SH3BGRL2: variants seen among roughly 807,000 people sequenced by gnomAD.
SH3BGRL2 encodes SH3 domain-binding glutamic acid-rich-like protein 2.
Under a neutral mutation model 14.8 loss-of-function variants are expected in SH3BGRL2, and 21 were observed. That is an observed-to-expected ratio of 1.42 (90% CI 1.01 to 2.05). The LOEUF (loss-of-function observed/expected upper bound fraction) is 2.05, where lower values mean the gene tolerates loss of function less well. Among genes scored for constraint, SH3BGRL2 ranks in the 30% most tolerant of loss-of-function variants. The probability of loss-of-function intolerance (pLI) is 0.00; values close to 1 mark genes in which losing one functional copy is unlikely to be tolerated. For missense variants in SH3BGRL2, 147 were observed against 130.8 expected, an observed-to-expected ratio of 1.12 and a Z score of -0.61; for synonymous variants, 50 against 47.8, an observed-to-expected ratio of 1.05 and a Z score of -0.19.
the SH3BGRL2 span, among the ~76,000 whole-genome samples, chr6:79,583,562 A>C: frequency 1.3e-5 from 2 of 152,184 alleles, no homozygotes; most frequent in Non-Finnish European, 2.9e-5. Flanking sequence ...GTTCTCACTC[A>C]TAGGTGGGAA....
At chr6:79,696,403 A>G in intron 2 of SH3BGRL2, 82 bp from the exon 3 acceptor site, 1 of 1,042,232 alleles carries the variant, frequency 9.6e-7, no homozygotes, top group Non-Finnish European at 1.4e-6. Context: ...TTTTACTTCC[A>G]TAAAGAATTT....
chr6:79,685,360 A>G (rs932498181), intron 2 of SH3BGRL2, among the ~76,000 whole-genome samples: 3 of 152,172 alleles, frequency 2.0e-5, no homozygotes, highest in African/African-American at 7.2e-5. Context: ...CAATCAGGCC[A>G]TGTTAATATC....
At chr6:79,626,506 C>A (rs1768729192), upstream of SH3BGRL2, among the ~76,000 whole-genome samples, 2 of 152,122 alleles carry the variant, frequency 1.3e-5, no homozygotes, top group Admixed American at 1.3e-4. Context: ...CTGTCTCTAC[C>A]CCTCTACTGG....
At chr6:79,662,334 G>A (rs879608077) in intron 1 of SH3BGRL2, among the ~76,000 whole-genome samples, 7 of 152,216 alleles carry the variant, frequency 4.6e-5, no homozygotes, top group East Asian at 3.9e-4. Flanking sequence ...CTTGTAAGGC[G>A]GACCTGGTGG....
chr6:79,576,675 T>C, the SH3BGRL2 span, among the ~76,000 whole-genome samples: 2 of 152,182 alleles, frequency 1.3e-5, no homozygotes, highest in African/African-American at 2.4e-5. Flanking sequence ...ATGTATTCAT[T>C]TAAAATGCAC....
At position 79,699,498 on chromosome 6, in the gene SH3BGRL2, G is replaced by C. The variant is rs1383701662; in HGVS notation, c.313G>C (p.Ala105Pro). 2 of 1,003,974 alleles carry C rather than the reference G, an allele frequency of 2.0e-6. No individual in the cohort carries two copies. The highest frequency in any genetic ancestry group is 2.8e-6 in the Non-Finnish European group (2 of 714,502). The allele number at this position is 1,003,974 out of a possible 1,614,324, so 62.2% of individuals were successfully genotyped here. Reference sequence around the variant, plus strand: ...TTTTTTTTTTTTTTTTTTTTTATAGGCAGAACCTTAGAGAAGAAGAGTGGA... The same window carrying C: ...TTTTTTTTTTTTTTTTTTTTTATAGCCAGAACCTTAGAGAAGAAGAGTGGA... ...LGLKPRLASK[A>P]EP The change falls in exon 4 of 4, where the codon GCA becomes CCA. Residue 105 changes from alanine (A) to proline (P), a missense_variant and splice_region_variant. Physicochemically the swap from Ala to Pro is conservative, Grantham distance 27. Transcript: ENST00000369838.
chr6:79,552,553 A>T, the SH3BGRL2 span, among the ~76,000 whole-genome samples: 1 of 152,142 alleles, frequency 6.6e-6, no homozygotes, highest in Admixed American at 6.5e-5. Flanking sequence ...ACCACAAAAG[A>T]GGGAGGGTAT....
chr6:79,621,384 T>C, the SH3BGRL2 span, among the ~76,000 whole-genome samples: 357 of 152,326 alleles, frequency 2.3e-3, 4 homozygotes, highest in Non-Finnish European at 4.4e-3. Context: ...AAAAGAGACC[T>C]GGAGAGCTAT....
chr6:79,644,119 G>A (rs932564157), intron 1 of SH3BGRL2, among the ~76,000 whole-genome samples: 3 of 152,128 alleles, frequency 2.0e-5, no homozygotes, highest in African/African-American at 4.8e-5. Flanking sequence ...GGAGGTGTGC[G>A]CCCTCATCCT....
intron 2 of SH3BGRL2, among the ~76,000 whole-genome samples, chr6:79,695,782 C>A (rs2127739680): frequency 6.6e-6 from 1 of 152,126 alleles, no homozygotes; most frequent in East Asian, 1.9e-4. Flanking sequence ...ATAAAGTTAT[C>A]AAATTACCAA....
chr6:79,606,658 G>C, the SH3BGRL2 span, among the ~76,000 whole-genome samples: 10 of 152,298 alleles, frequency 6.6e-5, no homozygotes, highest in African/African-American at 2.2e-4. Flanking sequence ...ACTTGATACA[G>C]TAATTTTTGT....
chr6:79,597,800 T>C, the SH3BGRL2 span, among the ~76,000 whole-genome samples: 1 of 152,202 alleles, frequency 6.6e-6, no homozygotes, highest in Admixed American at 6.5e-5. Context: ...TTTCAAAGAA[T>C]ACCATCAAGA....
At chr6:79,550,225 G>A in the SH3BGRL2 span, among the ~76,000 whole-genome samples, 1 of 152,054 alleles carries the variant, frequency 6.6e-6, no homozygotes, top group Non-Finnish European at 1.5e-5. Flanking sequence ...GATGAAAGGA[G>A]GAGAATTAAA....
the SH3BGRL2 span, among the ~76,000 whole-genome samples, chr6:79,582,693 C>T: frequency 6.6e-6 from 1 of 152,124 alleles, no homozygotes; most frequent in Non-Finnish European, 1.5e-5. Context: ...TAGAAGAAAA[C>T]CTAGGCAATA....
chr6:79,612,730 T>G, the SH3BGRL2 span, among the ~76,000 whole-genome samples: 1 of 152,196 alleles, frequency 6.6e-6, no homozygotes, highest in South Asian at 2.1e-4. Context: ...TCACATCAAC[T>G]GAAAGCAGAA....
intron 1 of SH3BGRL2, among the ~76,000 whole-genome samples, chr6:79,652,893 T>A (rs1769324137): frequency 6.6e-6 from 1 of 152,194 alleles, no homozygotes; most frequent in Non-Finnish European, 1.5e-5. Context: ...CCTTTTCAAG[T>A]ATTAACACTT....
At chr6:79,542,906 C>T in the SH3BGRL2 span, among the ~76,000 whole-genome samples, 1 of 152,168 alleles carries the variant, frequency 6.6e-6, no homozygotes, top group South Asian at 2.1e-4. Flanking sequence ...AAATCCTCCA[C>T]AAAACTTCTT....
At chr6:79,640,409 A>T (rs1769007765) in intron 1 of SH3BGRL2, among the ~76,000 whole-genome samples, 1 of 152,220 alleles carries the variant, frequency 6.6e-6, no homozygotes, top group Non-Finnish European at 1.5e-5. Flanking sequence ...CTTCTGGTTC[A>T]TGACAGCTTT....
At chr6:79,538,018 G>GTTTTTTTTTTTT in the SH3BGRL2 span, among the ~76,000 whole-genome samples, 84 of 44,160 alleles carry the variant, frequency 1.9e-3, 17 homozygotes, top group African/African-American at 2.4e-3. Flanking sequence ...TTGCACACAA[G>GTTTTTTTTTTTT]TTTTTTTTTT....
Sources: allele counts gnomAD v4.1 joint callset (sites outside exome capture counted in the v4.1 genomes callset), GRCh38; gene constraint gnomAD v4.1.1; transcripts MANE v1.5; gene names NCBI Gene and HGNC (gene_info 2026-07-23, HGNC 2026-07-21).